Variants in MTHFS observed in about 807,000 individuals in gnomAD.
The protein encoded by MTHFS is methenyltetrahydrofolate synthetase.
A neutral mutation model predicts 12.7 loss-of-function variants in MTHFS; 7 were observed. The observed-to-expected ratio is 0.55, with a 90% CI of 0.31 to 1.03. The LOEUF is 1.03. Among genes scored for constraint, MTHFS ranks in the 50% least tolerant of loss-of-function variants. The pLI is 0.05. For missense variants in MTHFS, 252 were observed against 258.1 expected, an observed-to-expected ratio of 0.98 and a Z score of 0.16; for synonymous variants, 100 against 97.1, an observed-to-expected ratio of 1.03 and a Z score of -0.18.
At chr15:79,871,869 G>A (rs2034111679) in intron 2 of MTHFS, among the ~76,000 whole-genome samples, 1 of 151,916 alleles carries the variant, frequency 6.6e-6, no homozygotes, top group Non-Finnish European at 1.5e-5. Context: ...CACTTTGGGA[G>A]GCCGAGGCAT....
Position 79,872,103 on chromosome 15 carries a change from CAAAAA to C in MTHFS, c.379+16985_379+16989del, listed in dbSNP as rs58835744. ...CTGGCGACAGAGCAAGACTCCGTCT[CAAAAA>C]AAAAAAAAAAAAAAAAAAAATTTAA... On this transcript the variant is annotated intron_variant, in intron 2 of 2. Coordinates refer to ENST00000258874, the MANE Select transcript of MTHFS (RefSeq NM_006441.4). Among the ~76,000 whole-genome samples, 46 of 66,772 alleles carry C rather than the reference CAAAAA, an allele frequency of 6.9e-4. No individual in the cohort carries two copies. In the South Asian group the frequency reaches 0.011, roughly 16 times the overall value. 43.8% of individuals were successfully genotyped at this position (66,772 alleles called of 152,430 possible). A position where few individuals can be genotyped will look rare whatever the true frequency, so the allele number is the denominator to read the frequency against.
chr15:79,870,044 C>T (rs2034076733), intron 2 of MTHFS, among the ~76,000 whole-genome samples: 1 of 152,066 alleles, frequency 6.6e-6, no homozygotes, highest in African/African-American at 2.4e-5. Flanking sequence ...AAAGAGATGA[C>T]TAAATACCAA....
At chr15:79,848,911 C>A (rs1289069841) in intron 2 of MTHFS, among the ~76,000 whole-genome samples, 1 of 152,138 alleles carries the variant, frequency 6.6e-6, no homozygotes, top group Non-Finnish European at 1.5e-5. Context: ...AATATTTTGC[C>A]TGCAGAATGG....
Position 79,845,204 on chromosome 15 carries a change from C to A in MTHFS, c.*6G>T. The A allele has an allele frequency of 1.2e-6, 2 of 1,613,964 alleles. No individual in the cohort carries two copies. Among genetic ancestry groups the A allele is most frequent in the Non-Finnish European group, 1.7e-6 (2 of 1,179,906 alleles). On this transcript the variant is annotated 3_prime_UTR_variant, in exon 3 of 3. Transcript: ENST00000258874. ...ACACTGATTATTTGGCTGTAGTAAT[C>A]CAGATTTAAGCTGTTGACGAGTCTT... is the stretch of plus-strand genomic sequence containing the variant.
intron 2 of MTHFS, among the ~76,000 whole-genome samples, chr15:79,856,871 A>C (rs1349466174): frequency 6.6e-6 from 1 of 152,194 alleles, no homozygotes; most frequent in African/African-American, 2.4e-5. Flanking sequence ...GGGTGTACTC[A>C]AGAAAAAAAA....
intron 2 of MTHFS, among the ~76,000 whole-genome samples, chr15:79,883,058 G>A (rs2034323210): frequency 6.6e-6 from 1 of 152,150 alleles, no homozygotes; most frequent in Admixed American, 6.5e-5. Flanking sequence ...TTAAAAATTA[G>A]TCAGGCATGG....
intron 2 of MTHFS, among the ~76,000 whole-genome samples, chr15:79,851,566 G>A (rs2033717100): frequency 6.6e-6 from 1 of 152,182 alleles, no homozygotes; most frequent in South Asian, 2.1e-4. Context: ...TGTCAGCCAA[G>A]ATGCCATATC....
intron 2 of MTHFS, among the ~76,000 whole-genome samples, chr15:79,845,703 A>T (rs1020889034): frequency 2.2e-4 from 34 of 152,334 alleles, no homozygotes; most frequent in East Asian, 1.9e-4. Context: ...CCTCATTCAT[A>T]ACTAGTTAAA....
intron 2 of MTHFS, among the ~76,000 whole-genome samples, chr15:79,887,220 G>C (rs1223912521): frequency 1.3e-5 from 2 of 151,984 alleles, no homozygotes. Flanking sequence ...GTGAAACTCT[G>C]TCTCAAAAGA....
intron 2 of MTHFS, among the ~76,000 whole-genome samples, chr15:79,887,135 GAA>G (rs2034396358): frequency 6.6e-6 from 1 of 152,130 alleles, no homozygotes; most frequent in South Asian, 2.1e-4. Context: ...TGAGGCAGGA[GAA>G]TCACTTGAAC....
At chr15:79,882,203 A>G (rs1163791268) in intron 2 of MTHFS, among the ~76,000 whole-genome samples, 1 of 152,254 alleles carries the variant, frequency 6.6e-6, no homozygotes, top group African/African-American at 2.4e-5. Flanking sequence ...AACTCATATT[A>G]AAATATCATA....
At chr15:79,846,369 G>C (rs534272037) in intron 2 of MTHFS, among the ~76,000 whole-genome samples, 4 of 152,140 alleles carry the variant, frequency 2.6e-5, no homozygotes, top group Admixed American at 6.5e-5. Flanking sequence ...AGCTGTCCTG[G>C]GGGTTTCTGG....
At chr15:79,845,638 T>C (rs1033450180) in intron 2 of MTHFS, among the ~76,000 whole-genome samples, 196 bp from the exon 3 acceptor site, 1 of 152,194 alleles carries the variant, frequency 6.6e-6, no homozygotes, top group Non-Finnish European at 1.5e-5. Context: ...AAGTCTCTTA[T>C]TCATCCTCAA....
chr15:79,868,868 G>A (rs1405128381), intron 2 of MTHFS, among the ~76,000 whole-genome samples: 1 of 152,050 alleles, frequency 6.6e-6, no homozygotes, highest in Non-Finnish European at 1.5e-5. Context: ...GCTCCTAAAA[G>A]TATAGATATA....
chr15:79,860,172 G>A (rs1332557774), intron 2 of MTHFS, among the ~76,000 whole-genome samples: 4 of 152,072 alleles, frequency 2.6e-5, no homozygotes, highest in East Asian at 1.9e-4. Flanking sequence ...GGCAAATCAC[G>A]AGGTCAGGAG....
intron 2 of MTHFS, among the ~76,000 whole-genome samples, chr15:79,852,758 G>A (rs1333596980): frequency 6.6e-6 from 1 of 152,144 alleles, no homozygotes; most frequent in East Asian, 1.9e-4. Context: ...GATGACACGG[G>A]TCATTCTGCT....
At chr15:79,886,915 C>T (rs1235588764) in intron 2 of MTHFS, among the ~76,000 whole-genome samples, 1 of 152,116 alleles carries the variant, frequency 6.6e-6, no homozygotes, top group African/African-American at 2.4e-5. Context: ...ACCATTTATT[C>T]GATAGCTCCT....
chr15:79,896,684 A>T (rs1001726036), intron 1 of MTHFS, 188 bp downstream of exon 1: 2 of 1,068,888 alleles, frequency 1.9e-6, no homozygotes, highest in Non-Finnish European at 2.5e-6. Context: ...TCCCCGCCAT[A>T]GTGCCAAGAG....
intron 1 of MTHFS, among the ~76,000 whole-genome samples, chr15:79,893,486 C>T (rs952259976): frequency 6.6e-6 from 1 of 151,770 alleles, no homozygotes; most frequent in Non-Finnish European, 1.5e-5. Flanking sequence ...ATCACGAGGT[C>T]AGGAGATCGA....
Sources: gnomAD v4.1 joint callset for allele counts (sites outside exome capture counted in the v4.1 genomes callset) on GRCh38, gnomAD v4.1.1 for gene constraint, MANE v1.5 for transcripts, NCBI Gene and HGNC (gene_info 2026-07-23, HGNC 2026-07-21) for gene names.